The following UNC13C variants were observed in gnomAD, a reference collection of about 807,000 sequenced individuals.
The protein encoded by UNC13C is protein unc-13 homolog C.
UNC13C carries 174 observed loss-of-function variants against 245.4 expected under a neutral mutation model. The ratio of observed to expected loss-of-function variants is 0.71; its 90% CI spans 0.63 to 0.80. UNC13C has a LOEUF of 0.80. Among genes scored for constraint, UNC13C ranks in the 30% least tolerant of loss-of-function variants. UNC13C has a pLI of 0.00. For synonymous variants in UNC13C, 992 were observed against 895.1 expected (o/e 1.11, Z -1.93); for missense variants, 2,829 against 2,602.9 (o/e 1.09, Z -1.89).
intron 18 of UNC13C, among the ~76,000 whole-genome samples, chr15:54,414,550 G>A (rs757031936): frequency 2.0e-5 from 3 of 152,184 alleles, no homozygotes; most frequent in Non-Finnish European, 4.4e-5. Context: ...GGGAGGCTGA[G>A]GCAGGAGAAT....
At chr15:54,018,686 A>G (rs1895768265) in intron 2 of UNC13C, among the ~76,000 whole-genome samples, 1 of 152,128 alleles carries the variant, frequency 6.6e-6, no homozygotes, top group African/African-American at 2.4e-5. Flanking sequence ...TGTACCACCT[A>G]TCAACTGGAA....
intron 19 of UNC13C, among the ~76,000 whole-genome samples, chr15:54,463,191 A>G: frequency 6.9e-6 from 1 of 144,144 alleles, no homozygotes; most frequent in East Asian, 2.1e-4. Flanking sequence ...CACCCTGTCA[A>G]AATGGGCCAA....
At chr15:54,475,542 G>C (rs974827064) in intron 19 of UNC13C, among the ~76,000 whole-genome samples, 2 of 151,464 alleles carry the variant, frequency 1.3e-5, no homozygotes, top group African/African-American at 4.9e-5. Context: ...CCATCTATGA[G>C]TGAGAACATG....
chr15:54,043,436 G>T (rs1159631404), intron 2 of UNC13C, among the ~76,000 whole-genome samples: 2 of 152,126 alleles, frequency 1.3e-5, no homozygotes, highest in East Asian at 3.8e-4. Context: ...TTTAGCAGCC[G>T]TTTATTTTTA....
chr15:54,121,375 T>A (rs754202556), intron 2 of UNC13C, among the ~76,000 whole-genome samples: 11 of 152,088 alleles, frequency 7.2e-5, no homozygotes, highest in Non-Finnish European at 1.6e-4. Context: ...ATGCACATTA[T>A]TTTTTAGACC....
chr15:54,196,451 GA>G (rs1163384466), intron 4 of UNC13C, among the ~76,000 whole-genome samples: 3 of 151,654 alleles, frequency 2.0e-5, no homozygotes, highest in South Asian at 4.2e-4. Context: ...CCATATAATA[GA>G]AAAAGAGAAA....
the UNC13C span, among the ~76,000 whole-genome samples, chr15:53,852,523 A>G: frequency 6.6e-6 from 1 of 152,142 alleles, no homozygotes; most frequent in Non-Finnish European, 1.5e-5. Context: ...ATAAATTTCT[A>G]TAATGTTTTC....
chr15:54,051,478 C>G (rs540486125), intron 2 of UNC13C, among the ~76,000 whole-genome samples: 56 of 152,080 alleles, frequency 3.7e-4, no homozygotes, highest in African/African-American at 1.3e-3. Context: ...TGCTTAGTCT[C>G]TCTATTCAAT....
chr15:54,087,456 A>G (rs1899308003), intron 2 of UNC13C, among the ~76,000 whole-genome samples: 1 of 152,232 alleles, frequency 6.6e-6, no homozygotes, highest in Admixed American at 6.5e-5. Flanking sequence ...GGAACCCTGT[A>G]TATTTCACTC....
chr15:54,211,058 C>G (rs908811129), intron 4 of UNC13C, among the ~76,000 whole-genome samples: 13 of 152,108 alleles, frequency 8.5e-5, no homozygotes, highest in African/African-American at 3.1e-4. Flanking sequence ...TGGCAGCACT[C>G]TATAGCACTT....
chr15:53,914,352 A>C, the UNC13C span: 1 of 152,192 alleles, frequency 6.6e-6, no homozygotes. Flanking sequence ...ATTGCTGTAA[A>C]AGGTAGAACT....
At chr15:54,546,885 C>CTGA in intron 27 of UNC13C, 40 bp downstream of exon 27, 1 of 1,528,866 alleles carries the variant, frequency 6.5e-7, no homozygotes, top group Non-Finnish European at 8.8e-7. Context: ...ATTAACCCAT[C>CTGA]TGTTTTTGGT....
At chr15:54,403,310 G>C (rs1443017181) in intron 18 of UNC13C, among the ~76,000 whole-genome samples, 1 of 152,104 alleles carries the variant, frequency 6.6e-6, no homozygotes, top group Non-Finnish European at 1.5e-5. Flanking sequence ...GGAGGATGAG[G>C]CGGGTGGGTC....
chr15:54,129,250 C>T (rs540187248), intron 2 of UNC13C, among the ~76,000 whole-genome samples: 2 of 152,204 alleles, frequency 1.3e-5, no homozygotes, highest in African/African-American at 2.4e-5. Context: ...TGGCCAGATG[C>T]GTACATATGT....
At chr15:54,224,940 G>A (rs1396843586) in intron 4 of UNC13C, among the ~76,000 whole-genome samples, 1 of 150,572 alleles carries the variant, frequency 6.6e-6, no homozygotes, top group East Asian at 1.9e-4. Flanking sequence ...GCATATAGTT[G>A]CTCATAGTAG....
chr15:53,861,052 G>A, the UNC13C span, among the ~76,000 whole-genome samples: 70,384 of 151,988 alleles, frequency 0.46, 16,579 homozygotes, highest in Middle Eastern at 0.59. Flanking sequence ...GAAAGCTAGA[G>A]ATACTTTACA....
chr15:54,252,791 G>A (rs2036185862), intron 8 of UNC13C, among the ~76,000 whole-genome samples: 2 of 152,128 alleles, frequency 1.3e-5, no homozygotes, highest in Non-Finnish European at 2.9e-5. Flanking sequence ...ATGTAAGACA[G>A]TTCTATGATT....
chr15:54,201,167 AAT>A (rs1217012201), intron 4 of UNC13C, among the ~76,000 whole-genome samples: 1 of 152,064 alleles, frequency 6.6e-6, no homozygotes, highest in Admixed American at 6.6e-5. Context: ...TTAAAATGGT[AAT>A]AAAAAAGTTG....
At chr15:54,302,212 T>G (rs1221752541) in intron 13 of UNC13C, among the ~76,000 whole-genome samples, 2 of 152,222 alleles carry the variant, frequency 1.3e-5, no homozygotes, top group African/African-American at 2.4e-5. Flanking sequence ...ATGGATAGAT[T>G]GCAAAAATTT....
Sources: allele counts gnomAD v4.1 joint callset (sites outside exome capture counted in the v4.1 genomes callset), GRCh38; gene constraint gnomAD v4.1.1; transcripts MANE v1.5; gene names NCBI Gene and HGNC (gene_info 2026-07-23, HGNC 2026-07-21).